Variants in RGS6 observed in about 807,000 individuals in gnomAD.
RGS6 encodes the protein regulator of G protein signaling 6, also known as regulator of G-protein signaling 6.
RGS6 carries 30 observed loss-of-function variants against 78.5 expected under a neutral mutation model. That is an observed-to-expected ratio of 0.38 (90% CI 0.29 to 0.52). RGS6 has a LOEUF of 0.52. Among genes scored for constraint, RGS6 ranks in the 20% least tolerant of loss-of-function variants. The pLI, the probability that RGS6 is intolerant of heterozygous loss-of-function variation, is 0.85. For synonymous variants in RGS6, 206 were observed against 206.0 expected, an observed-to-expected ratio of 1.00 and a Z score of 0.00; for missense variants, 495 against 609.7, an observed-to-expected ratio of 0.81 and a Z score of 1.98.
At chr14:71,936,030 A>ATATATATACACATATATATATATATATG (rs781759305) in intron 1 of RGS6, among the ~76,000 whole-genome samples, 1 of 133,222 alleles carries the variant, frequency 7.5e-6, no homozygotes, top group Admixed American at 8.0e-5. Flanking sequence ...ATATATATAT[A>ATATATATACACATATATATATATATATG]TATATATATA....
chr14:71,897,770 C>T, the RGS6 span, among the ~76,000 whole-genome samples: 3 of 152,158 alleles, frequency 2.0e-5, no homozygotes, highest in African/African-American at 7.2e-5. Context: ...CCACCTGCCT[C>T]AGCCTCCCAA....
chr14:71,889,710 A>C, the RGS6 span, among the ~76,000 whole-genome samples: 5 of 152,136 alleles, frequency 3.3e-5, no homozygotes, highest in Non-Finnish European at 7.3e-5. Flanking sequence ...AAGTGATATG[A>C]TCTGTGTCCC....
At chr14:72,128,689 G>C (rs1036723964) in intron 2 of RGS6, among the ~76,000 whole-genome samples, 1 of 152,186 alleles carries the variant, frequency 6.6e-6, no homozygotes, top group Non-Finnish European at 1.5e-5. Flanking sequence ...CATAGTGGAT[G>C]AAGTTTATAG....
chr14:72,510,090 A>G, intron 13 of RGS6, 64 bp from the exon 14 acceptor site: 4 of 1,504,872 alleles, frequency 2.7e-6, no homozygotes, highest in Non-Finnish European at 3.5e-6. Context: ...GTCACTGAAG[A>G]GAATATGACA....
At chr14:72,182,424 A>G (rs1340445902) in intron 2 of RGS6, among the ~76,000 whole-genome samples, 2 of 151,702 alleles carry the variant, frequency 1.3e-5, no homozygotes, top group Non-Finnish European at 2.9e-5. Context: ...CTCAAAAAAA[A>G]AAAAAAAAAA....
At chr14:72,251,281 C>T (rs957732918) in intron 2 of RGS6, among the ~76,000 whole-genome samples, 2 of 152,256 alleles carry the variant, frequency 1.3e-5, no homozygotes, top group African/African-American at 4.8e-5. Context: ...TGGGTATGGT[C>T]AGAATTTTGC....
the RGS6 span, among the ~76,000 whole-genome samples, chr14:71,896,141 T>C: frequency 6.6e-6 from 1 of 152,066 alleles, no homozygotes; most frequent in Non-Finnish European, 1.5e-5. Flanking sequence ...GGGGTCCAGA[T>C]GCAGACCCCA....
At chr14:72,155,789 G>A (rs1598498781) in intron 2 of RGS6, among the ~76,000 whole-genome samples, 1 of 152,184 alleles carries the variant, frequency 6.6e-6, no homozygotes, top group African/African-American at 2.4e-5. Context: ...CACATCTACT[G>A]TGGTGGCTGG....
chr14:72,146,142 G>A (rs2096604060), intron 2 of RGS6, among the ~76,000 whole-genome samples: 1 of 152,082 alleles, frequency 6.6e-6, no homozygotes, highest in Non-Finnish European at 1.5e-5. Flanking sequence ...GAGCAACAGA[G>A]GGCCAAACTC....
At chr14:72,250,622 C>A (rs145879919) in intron 2 of RGS6, among the ~76,000 whole-genome samples, 1 of 152,020 alleles carries the variant, frequency 6.6e-6, no homozygotes, top group East Asian at 1.9e-4. Context: ...CTTGAATAAA[C>A]AGAGGATCAC....
At chr14:72,191,576 A>G (rs2097326311) in intron 2 of RGS6, among the ~76,000 whole-genome samples, 1 of 152,202 alleles carries the variant, frequency 6.6e-6, no homozygotes, top group African/African-American at 2.4e-5. Flanking sequence ...GTGCAGGGGA[A>G]CTGCTCTTTA....
intron 17 of RGS6, chr14:72,550,633 T>G: frequency 6.6e-7 from 1 of 1,516,302 alleles, no homozygotes. Context: ...TAGAAGGTTC[T>G]GAGGCATCCA....
At chr14:72,239,921 C>A (rs185700845) in intron 2 of RGS6, among the ~76,000 whole-genome samples, 1 of 152,138 alleles carries the variant, frequency 6.6e-6, no homozygotes, top group African/African-American at 2.4e-5. Flanking sequence ...ATATAAACAC[C>A]ATTTGGGATC....
At chr14:72,396,880 C>T (rs563771668) in intron 3 of RGS6, among the ~76,000 whole-genome samples, 1 of 152,294 alleles carries the variant, frequency 6.6e-6, no homozygotes, top group African/African-American at 2.4e-5. Flanking sequence ...TTTCTAAGAG[C>T]TCTGTCCTTT....
At chr14:71,897,191 A>G in the RGS6 span, among the ~76,000 whole-genome samples, 4 of 152,246 alleles carry the variant, frequency 2.6e-5, no homozygotes, top group African/African-American at 7.2e-5. Flanking sequence ...TATTGAATCA[A>G]TGAATAAATA....
At chr14:72,396,890 T>C (rs917410276) in intron 3 of RGS6, among the ~76,000 whole-genome samples, 2 of 152,224 alleles carry the variant, frequency 1.3e-5, no homozygotes, top group African/African-American at 4.8e-5. Flanking sequence ...CTCTGTCCTT[T>C]TCCATTGGTC....
In RGS6 at chr14:72,518,720, A is replaced by G. The variant is rs1183070145; in HGVS notation, c.1278+183A>G. ...CAAAATCCCAGGATCGTTTTCCTAG[A>G]TGGGTTATGTATTACATAGAAACCA... On this transcript the variant is annotated intron_variant, in intron 15 of 17. Coordinates refer to ENST00000553525, the MANE Select transcript of RGS6 (RefSeq NM_001204424.2). Among the ~76,000 whole-genome samples, 5 of 152,220 alleles carry G rather than the reference A, an allele frequency of 3.3e-5. No homozygotes were observed. The East Asian group carries it at 5.8e-4, about 18-fold the overall frequency.
At chr14:72,384,994 C>A (rs2087449164) in intron 3 of RGS6, among the ~76,000 whole-genome samples, 1 of 152,186 alleles carries the variant, frequency 6.6e-6, no homozygotes, top group Non-Finnish European at 1.5e-5. Context: ...TCCTGATCCA[C>A]CCATCTCAGC....
the RGS6 span, among the ~76,000 whole-genome samples, chr14:71,873,797 C>A: frequency 6.6e-6 from 1 of 152,160 alleles, no homozygotes; most frequent in African/African-American, 2.4e-5. Context: ...AGTCTTTAAT[C>A]CATCTTGAAT....
Sources: gnomAD v4.1 joint callset for allele counts (sites outside exome capture counted in the v4.1 genomes callset) on GRCh38, gnomAD v4.1.1 for gene constraint, MANE v1.5 for transcripts, NCBI Gene and HGNC (gene_info 2026-07-23, HGNC 2026-07-21) for gene names.